The following SS18 variants were observed in gnomAD, a reference collection of about 807,000 sequenced individuals.
SS18 encodes the protein protein SSXT.
SS18 carries 28 observed loss-of-function variants against 72.5 expected under a neutral mutation model. The ratio of observed to expected loss-of-function variants is 0.39; its 90% CI spans 0.29 to 0.53. The LOEUF (loss-of-function observed/expected upper bound fraction) is 0.53. Among genes scored for constraint, SS18 ranks in the 20% least tolerant of loss-of-function variants. The pLI is 0.76. For missense variants in SS18, 518 were observed against 535.3 expected (o/e 0.97, Z 0.32); for synonymous variants, 172 against 164.2 (o/e 1.05, Z -0.37).
chr18:26,069,682 T>C (rs909087085), intron 3 of SS18, among the ~76,000 whole-genome samples: 6 of 152,174 alleles, frequency 3.9e-5, no homozygotes, highest in South Asian at 2.1e-4. Context: ...TAAAAATGTT[T>C]GATTATACAG....
At position 26,087,515 on chromosome 18, in the gene SS18, G is replaced by C. The variant is rs747116026; in HGVS notation, c.132C>G (p.Thr44=). The C allele has an allele frequency of 1.3e-6, 2 of 1,586,744 alleles. No individual in the cohort carries two copies. The highest frequency in any genetic ancestry group is 1.7e-6 in the Non-Finnish European group (2 of 1,162,228). ...ATCAATCTTACTGAGAACACTCTGA[G>C]GTCTTTCCTTTATTCTGAGAGTCCA... ...CIMDSQNKGK[T]SECSQYQQML... is the part of the protein sequence containing the mutation. The change falls in exon 2 of 11, where the codon ACC becomes ACG. Residue 44 remains threonine, a synonymous_variant. Transcript: ENST00000415083.
rs1297075231 is a variant in SS18, at chr18:26,087,489, TATC to T, written c.146+9_146+11del. ...AAAACTGAATAAAAAAAAAGTTTCTTATCAATCTTACTGAGAACACTCTGAGGT... is the reference window on the plus strand; with the variant it reads ...AAAACTGAATAAAAAAAAAGTTTCTTAATCTTACTGAGAACACTCTGAGGT... On this transcript the variant is annotated intron_variant, in intron 2 of 10. Transcript: ENST00000415083. 2 of 1,516,762 alleles carry T rather than the reference TATC, an allele frequency of 1.3e-6. No individual in the cohort carries two copies. The highest frequency in any genetic ancestry group is 1.8e-6 in the Non-Finnish European group (2 of 1,113,574). The allele number at this position is 1,516,762 out of a possible 1,614,324, so 94.0% of individuals were successfully genotyped here. A position where few individuals can be genotyped will look rare whatever the true frequency, so the allele number is the denominator to read the frequency against.
At chr18:26,079,109 G>A (rs1052304587) in intron 2 of SS18, 7 of 152,180 alleles carry the variant, frequency 4.6e-5, no homozygotes, top group Middle Eastern at 3.4e-3. Flanking sequence ...AGAAGGCAAT[G>A]AATAGGCAAT....
At chr18:26,031,790 C>G (rs182176330) in intron 10 of SS18, among the ~76,000 whole-genome samples, 2 of 151,888 alleles carry the variant, frequency 1.3e-5, no homozygotes, top group Admixed American at 1.3e-4. Flanking sequence ...CAACAGAGGG[C>G]GGAAAGTTTT....
chr18:26,022,798 T>C (rs557326932), intron 10 of SS18, among the ~76,000 whole-genome samples: 1 of 152,182 alleles, frequency 6.6e-6, no homozygotes, highest in East Asian at 1.9e-4. Context: ...GTGAGGAAAA[T>C]ACCCAGGGCT....
intron 10 of SS18, among the ~76,000 whole-genome samples, chr18:26,028,223 G>T (rs72878212): frequency 0.013 from 2,001 of 152,176 alleles, 22 homozygotes; most frequent in Non-Finnish European, 0.019. Context: ...TGTCCTTAGG[G>T]ATACTCAAAT....
Position 26,018,007 on chromosome 18 carries a change from A to C in SS18, c.*347T>G, listed in dbSNP as rs2053278425. The C allele has an allele frequency of 4.0e-6, 1 of 249,296 alleles. No homozygotes were observed. Among genetic ancestry groups the C allele is most frequent in the Admixed American group, 5.3e-5 (1 of 18,714 alleles). 15.4% of individuals were successfully genotyped at this position (249,296 alleles called of 1,614,324 possible). A position where few individuals can be genotyped will look rare whatever the true frequency, so the allele number is the denominator to read the frequency against. On this transcript the variant is annotated 3_prime_UTR_variant, in exon 11 of 11. Coordinates refer to ENST00000415083, the MANE Select transcript of SS18 (RefSeq NM_001007559.3). ...ACAAAAAAATCTGTGGAAAAGTATT[A>C]AATTCCCTTACCCTTCATAAACATA...
At chr18:26,056,792 A>C (rs1396221905) in intron 4 of SS18, among the ~76,000 whole-genome samples, 3 of 152,228 alleles carry the variant, frequency 2.0e-5, no homozygotes, top group African/African-American at 2.4e-5. Flanking sequence ...AAATATTCTG[A>C]TACCTAATGT....
At chr18:26,032,280 T>C (rs2053556687) in intron 10 of SS18, 119 bp downstream of exon 10, 2 of 1,205,234 alleles carry the variant, frequency 1.7e-6, no homozygotes, top group Non-Finnish European at 2.4e-6. Context: ...AAATGTACCA[T>C]AAACATTCCC....
intron 1 of SS18, among the ~76,000 whole-genome samples, chr18:26,089,018 A>G (rs183516437): frequency 1.3e-5 from 2 of 152,324 alleles, no homozygotes; most frequent in African/African-American, 4.8e-5. Context: ...TATTATCTCC[A>G]GTATATTCCT....
intron 10 of SS18, among the ~76,000 whole-genome samples, chr18:26,022,436 AT>A (rs1472005260): frequency 3.4e-5 from 5 of 148,962 alleles, no homozygotes; most frequent in African/African-American, 1.0e-4. Context: ...GCCTGAAACA[AT>A]AAAAAAAAAA....
intron 4 of SS18, among the ~76,000 whole-genome samples, chr18:26,053,692 G>A (rs1212941461): frequency 1.3e-5 from 2 of 152,058 alleles, no homozygotes; most frequent in African/African-American, 4.8e-5. Flanking sequence ...CTACAAAAAG[G>A]TTCATCAACA....
intron 3 of SS18, among the ~76,000 whole-genome samples, chr18:26,073,114 A>T (rs976765445): frequency 2.0e-5 from 3 of 152,160 alleles, no homozygotes; most frequent in Non-Finnish European, 4.4e-5. Flanking sequence ...ATCTCAAGGA[A>T]TTCCAAAGAA....
chr18:26,027,703 A>AAAAAAAAAGAC lies in SS18; in HGVS notation c.1230+4695_1230+4696insGTCTTTTTTTT, dbSNP rs1555643837. ...AAAAAAAAAAAAAAAAAAAAAAAAA[A>AAAAAAAAAGAC]AGTCTTTTCAACAAATGACTCTGAG... On this transcript the variant is annotated intron_variant, in intron 10 of 10. Coordinates refer to ENST00000415083, the MANE Select transcript of SS18 (RefSeq NM_001007559.3). 4.6e-4 allele frequency among the ~76,000 whole-genome samples: 57 copies of AAAAAAAAAGAC among 124,714 alleles called. 8 individuals carry two copies. Among genetic ancestry groups the AAAAAAAAAGAC allele is most frequent in the African/African-American group, 2.0e-3 (57 of 28,046 alleles). 81.8% of individuals were successfully genotyped at this position (124,714 alleles called of 152,430 possible). A position where few individuals can be genotyped will look rare whatever the true frequency, so the allele number is the denominator to read the frequency against.
chr18:26,078,023 A>G, intron 3 of SS18, 53 bp downstream of exon 3: 1 of 1,341,942 alleles, frequency 7.5e-7, no homozygotes, highest in Non-Finnish European at 1.1e-6. Flanking sequence ...AATGTGCCAT[A>G]CCATATGTAA....
intron 5 of SS18, 75 bp from the exon 6 acceptor site, chr18:26,039,531 T>A (rs1363447369): frequency 4.4e-6 from 6 of 1,356,286 alleles, no homozygotes; most frequent in Non-Finnish European, 6.0e-6. Context: ...TAAGATAATC[T>A]TTTATCATAT....
intron 5 of SS18, among the ~76,000 whole-genome samples, chr18:26,052,331 C>A (rs1373472522): frequency 1.3e-5 from 2 of 152,170 alleles, no homozygotes; most frequent in African/African-American, 4.8e-5. Context: ...TCTCAACTTT[C>A]TAGCTAAACC....
chr18:26,084,223 A>G (rs1176668289), intron 2 of SS18: 1 of 152,246 alleles, frequency 6.6e-6, no homozygotes, highest in African/African-American at 2.4e-5. Flanking sequence ...ATTATAACCT[A>G]GAGAATACAG....
intron 3 of SS18, among the ~76,000 whole-genome samples, chr18:26,066,600 GCACACACA>G (rs35011668): frequency 8.2e-4 from 118 of 144,430 alleles, no homozygotes; most frequent in Non-Finnish European, 7.5e-4. Context: ...GGAAATTTGT[GCACACACA>G]CACACACACA....
Sources: gnomAD v4.1 joint callset for allele counts (sites outside exome capture counted in the v4.1 genomes callset) on GRCh38, gnomAD v4.1.1 for gene constraint, MANE v1.5 for transcripts, NCBI Gene and HGNC (gene_info 2026-07-23, HGNC 2026-07-21) for gene names.